Variants in PARP4 observed in about 807,000 individuals in gnomAD.
The protein encoded by PARP4 is protein mono-ADP-ribosyltransferase PARP4.
Under a neutral mutation model 187.7 loss-of-function variants are expected in PARP4, and 120 were observed. The observed-to-expected ratio is 0.64, with a 90% CI of 0.55 to 0.74. The LOEUF (loss-of-function observed/expected upper bound fraction) is 0.74, where lower values mean the gene tolerates loss of function less well. Among genes scored for constraint, PARP4 ranks in the 30% least tolerant of loss-of-function variants. PARP4 has a pLI of 0.00. For missense variants in PARP4, 1,836 were observed against 2,070.5 expected (o/e 0.89, Z 2.20); for synonymous variants, 654 against 740.9 (o/e 0.88, Z 1.90).
Position 24,477,794 on chromosome 13 carries a change from T to C in PARP4, c.1696A>G (p.Met566Val), listed in dbSNP as rs1873062388. The change falls in exon 14 of 34, where the codon ATG (methionine) becomes GTG (valine). Residue 566 changes from methionine (M) to valine (V), a missense_variant. By Grantham distance (21) the Met-to-Val change is conservative (BLOSUM62 1). This residue lies in a region of PARP4 where 1,147 missense variants were observed against 1,214.2 expected (regional missense o/e 0.94). Transcript: ENST00000381989. ...AAGTCCTTTATCTGATCTCCAGGCA[T>C]GGAAAATTTAATAATATATTTCATT... ...VKMKYIIKFS[M>V]PGDQIKDFHP... 4 of 1,570,910 alleles carry C rather than the reference T, an allele frequency of 2.5e-6. No individual in the cohort carries two copies. The highest frequency in any genetic ancestry group is 1.1e-5 in the South Asian group (1 of 87,714).
intron 32 of PARP4, 141 bp downstream of exon 32, chr13:24,431,236 G>A (rs1870316906): frequency 1.8e-6 from 1 of 548,586 alleles, no homozygotes; most frequent in Non-Finnish European, 3.2e-6. Context: ...TCCTTTAATG[G>A]TTAAATATAA....
In PARP4 at chr13:24,500,386, G is replaced by A. The variant is rs1453599054; in HGVS notation, c.335-4C>T. ...CATAGACCTTCTGTTTTCACTTCTA[G>A]AATTAAAAGCAAACAGCACACTTGT... On this transcript the variant is annotated splice_region_variant and splice_polypyrimidine_tract_variant and intron_variant, in intron 3 of 33. Coordinates refer to ENST00000381989, the MANE Select transcript of PARP4 (RefSeq NM_006437.4). 6 of 1,593,510 alleles carry A rather than the reference G, an allele frequency of 3.8e-6. No homozygotes were observed. The highest frequency in any genetic ancestry group is 1.7e-5 in the Admixed American group (1 of 58,136).
intron 10 of PARP4, among the ~76,000 whole-genome samples, 157 bp from the exon 11 acceptor site, chr13:24,486,462 T>C (rs971292146): frequency 6.6e-6 from 1 of 152,218 alleles, no homozygotes; most frequent in African/African-American, 2.4e-5. Context: ...ATTATGTAGG[T>C]ATTAAAATAA....
At chr13:24,498,336 T>C in intron 5 of PARP4, 107 bp from the exon 6 acceptor site, 1 of 673,474 alleles carries the variant, frequency 1.5e-6, no homozygotes, top group Non-Finnish European at 2.6e-6. Flanking sequence ...TTTAGAGATA[T>C]AATTTAGAAA....
chr13:24,426,891 C>CAAAAAAAA (rs5802279), intron 32 of PARP4, among the ~76,000 whole-genome samples: 1 of 93,572 alleles, frequency 1.1e-5, no homozygotes, highest in Non-Finnish European at 2.1e-5. Context: ...GACTCTGTCT[C>CAAAAAAAA]AAAAAAAAAA....
intron 17 of PARP4, among the ~76,000 whole-genome samples, chr13:24,465,723 T>A (rs1872428155): frequency 6.6e-6 from 1 of 151,844 alleles, no homozygotes; most frequent in Admixed American, 6.6e-5. Context: ...ATGGCACACA[T>A]TTGCCTATGT....
intron 15 of PARP4, among the ~76,000 whole-genome samples, chr13:24,471,157 C>A (rs148871390): frequency 6.6e-6 from 1 of 152,230 alleles, no homozygotes; most frequent in African/African-American, 2.4e-5. Flanking sequence ...TGACTGTGCA[C>A]GGAACTCCTT....
At chr13:24,487,098 A>G (rs1373178686) in intron 10 of PARP4, among the ~76,000 whole-genome samples, 2 of 150,492 alleles carry the variant, frequency 1.3e-5, no homozygotes, top group Non-Finnish European at 3.0e-5. Flanking sequence ...CGTCCCTACT[A>G]AAAATACAAA....
At position 24,500,384 on chromosome 13, in the gene PARP4, T is replaced by C. The variant is rs758764783; in HGVS notation, c.335-2A>G. On this transcript the variant is annotated splice_acceptor_variant, in intron 3 of 33. Coordinates refer to ENST00000381989, the MANE Select transcript of PARP4 (RefSeq NM_006437.4). LOFTEE classifies it high-confidence loss of function. ...GGCATAGACCTTCTGTTTTCACTTC[T>C]AGAATTAAAAGCAAACAGCACACTT... 1 of 1,596,696 alleles carries C rather than the reference T, an allele frequency of 6.3e-7. No homozygotes were observed. Among genetic ancestry groups the C allele is most frequent in the Non-Finnish European group, 8.6e-7 (1 of 1,168,856 alleles).
chr13:24,447,942 C>T (rs2185619), intron 25 of PARP4, among the ~76,000 whole-genome samples: 125,815 of 152,106 alleles, frequency 0.83, 54,559 homozygotes, highest in East Asian at 0.98. Context: ...CAGAGTGGCT[C>T]ATGCCTGTAA....
chr13:24,481,488 T>A (rs1161084869), intron 12 of PARP4, among the ~76,000 whole-genome samples: 1 of 152,052 alleles, frequency 6.6e-6, no homozygotes, highest in East Asian at 1.9e-4. Flanking sequence ...AGGTCAGGAG[T>A]TCGAGACCAG....
intron 30 of PARP4, among the ~76,000 whole-genome samples, chr13:24,436,859 CTCAG>C (rs1484138094): frequency 5.9e-5 from 9 of 152,210 alleles, no homozygotes; most frequent in Admixed American, 2.0e-4. Context: ...CCTTTCCCAA[CTCAG>C]TCAAATTTCA....
In PARP4 at chr13:24,458,556, GAC is replaced by G. The variant is rs113380946; in HGVS notation, c.2424+486_2424+487del. On this transcript the variant is annotated intron_variant, in intron 20 of 33. Coordinates refer to ENST00000381989, the MANE Select transcript of PARP4 (RefSeq NM_006437.4). ...TGCACCACTGTACTCTAGTCTGGGT[GAC>G]AGAGCAAGACCCTGTCTCAAAAAAT... is the stretch of plus-strand genomic sequence containing the variant. Among the ~76,000 whole-genome samples, 1,226 of 152,004 alleles carry G rather than the reference GAC, an allele frequency of 8.1e-3. 17 individuals carry two copies. The highest frequency in any genetic ancestry group is 0.028 in the African/African-American group (1,159 of 41,448).
At chr13:24,478,555 C>T (rs1425063104) in intron 12 of PARP4, among the ~76,000 whole-genome samples, 2 of 152,114 alleles carry the variant, frequency 1.3e-5, no homozygotes, top group South Asian at 2.1e-4. Context: ...CCTGCCTCAG[C>T]CTCCTGAGTA....
rs747799905 is a variant in PARP4, at chr13:24,446,738, T to G, written c.3309A>C (p.Gln1103His). The G allele has an allele frequency of 6.3e-7, 1 of 1,598,214 alleles. No individual in the cohort carries two copies. The highest frequency in any genetic ancestry group is 8.6e-7 in the Non-Finnish European group (1 of 1,165,474). The change falls in exon 27 of 34, where the codon CAA becomes CAC. Residue 1103 changes from glutamine (Q) to histidine (H), a missense_variant. By Grantham distance (24) the Gln-to-His change is conservative. Transcript: ENST00000381989. ...CTQATLCALIQEKEFRTMVST... is the reference protein window; with the variant it reads ...CTQATLCALIHEKEFRTMVST... Reference sequence around the variant, plus strand: ...ACACCATTGTACGAAATTCTTTCTCTTGAATTAGTGCACACAGAGTTGCCT... The same window carrying G: ...ACACCATTGTACGAAATTCTTTCTCGTGAATTAGTGCACACAGAGTTGCCT...
At chr13:24,442,492 G>A (rs1870989104) in intron 29 of PARP4, 98 bp downstream of exon 29, 2 of 899,620 alleles carry the variant, frequency 2.2e-6, no homozygotes, top group Admixed American at 2.0e-5. Context: ...CCAGGCCCAG[G>A]GTGTGGATGT....
chr13:24,486,208 G>A lies in PARP4; in HGVS notation c.1312C>T (p.His438Tyr), dbSNP rs137926853. 95 of 1,613,902 alleles carry A rather than the reference G, an allele frequency of 5.9e-5. 1 individual carries two copies. Among genetic ancestry groups the A allele is most frequent in the African/African-American group, 2.3e-4 (17 of 75,038 alleles). Residue 438 changes from histidine (H) to tyrosine (Y), a missense_variant, in exon 11 of 34, where the codon CAT (histidine) becomes TAT (tyrosine). His to Tyr is a moderately conservative substitution (Grantham distance 83). This residue lies in a region of PARP4 where 1,147 missense variants were observed against 1,214.2 expected (regional missense o/e 0.94). Coordinates refer to ENST00000381989, the MANE Select transcript of PARP4 (RefSeq NM_006437.4). ...SKLGNVRPLL[H>Y]GSPVQNIVGI... ...ACGATGTTTTGTACAGGAGAACCAT[G>A]CAACAAGGGCCTCACATTACCAAGT...
At position 24,492,536 on chromosome 13, in the gene PARP4, G is replaced by T; in HGVS notation, c.938C>A (p.Thr313Lys). 1 of 1,614,028 alleles carries T rather than the reference G, an allele frequency of 6.2e-7. No individual in the cohort carries two copies. The highest frequency in any genetic ancestry group is 8.5e-7 in the Non-Finnish European group (1 of 1,179,912). ...CATCATCTTTTGCAATTGCTCTGCT[G>T]TTTCTCCATTTTTCAGTGCTGCCTT... ...LVKAALKNGE[T>K]AEQLQKMMTE... Residue 313 changes from threonine (T) to lysine (K), a missense_variant, in exon 9 of 34, where the codon ACA becomes AAA. This residue lies in a region of PARP4 where 1,147 missense variants were observed against 1,214.2 expected (regional missense o/e 0.94). Transcript: ENST00000381989.
chr13:24,424,673 C>CTTTTTTTT (rs1241681310), intron 33 of PARP4, among the ~76,000 whole-genome samples: 2 of 129,094 alleles, frequency 1.5e-5, no homozygotes, highest in Non-Finnish European at 3.2e-5. Context: ...AAATTATGTA[C>CTTTTTTTT]TTTTTTTTTT....
Sources: allele counts gnomAD v4.1 joint callset (sites outside exome capture counted in the v4.1 genomes callset), GRCh38; gene constraint gnomAD v4.1.1; regional missense constraint gnomAD v4.1.1; transcripts MANE v1.5; gene names NCBI Gene and HGNC (gene_info 2026-07-23, HGNC 2026-07-21).